Variants in EPM2A observed in about 807,000 individuals in gnomAD.
EPM2A encodes the protein EPM2A glucan phosphatase, laforin.
EPM2A carries 21 observed loss-of-function variants against 26.5 expected under a neutral mutation model. That is an observed-to-expected ratio of 0.79 (90% CI 0.56 to 1.14). EPM2A has a LOEUF of 1.14. EPM2A is among the 50% of genes most tolerant of loss of function. The probability of loss-of-function intolerance (pLI) is 0.00; values close to 1 mark genes in which losing one functional copy is unlikely to be tolerated. For synonymous variants in EPM2A, 217 were observed against 177.6 expected (o/e 1.22, Z -1.76); for missense variants, 458 against 440.8 (o/e 1.04, Z -0.35).
chr6:145,460,346 G>A (rs1582772482), intron 4 of EPM2A, among the ~76,000 whole-genome samples: 2 of 152,280 alleles, frequency 1.3e-5, no homozygotes, highest in East Asian at 3.9e-4. Flanking sequence ...CCAACAAACT[G>A]TATGATACTC....
At chr6:145,640,712 C>T (rs1405297806) in intron 2 of EPM2A, 2 of 152,064 alleles carry the variant, frequency 1.3e-5, no homozygotes, top group African/African-American at 4.8e-5. Flanking sequence ...AAAAGTCTAT[C>T]CGTCCTATAA....
chr6:145,458,221 C>A (rs974900950), intron 4 of EPM2A, among the ~76,000 whole-genome samples: 1 of 152,208 alleles, frequency 6.6e-6, no homozygotes, highest in African/African-American at 2.4e-5. Flanking sequence ...TTCCTCAGTG[C>A]CAATCCTTGC....
chr6:145,617,205 T>A (rs774976164), intron 2 of EPM2A, among the ~76,000 whole-genome samples: 2 of 152,180 alleles, frequency 1.3e-5, no homozygotes, highest in Non-Finnish European at 2.9e-5. Context: ...TCTCACAAGA[T>A]CTGATGATTT....
chr6:145,625,907 T>C lies in EPM2A; in HGVS notation c.*1509A>G, dbSNP rs550365380. 8.6e-5 allele frequency: 123 copies of C among 1,436,106 alleles called. No homozygotes were observed. Among genetic ancestry groups the C allele is most frequent in the South Asian group, 3.7e-4 (25 of 67,788 alleles). 89.0% of individuals were successfully genotyped at this position (1,436,106 alleles called of 1,614,324 possible). A position where few individuals can be genotyped will look rare whatever the true frequency, so the allele number is the denominator to read the frequency against. ...GGTGCAGAAAAATAAATACGCATCA[T>C]AGTTTAATTAGGAAAGTAAGGGCTT... On this transcript the variant is annotated 3_prime_UTR_variant, in exon 4 of 4. Transcript: ENST00000367519.
chr6:145,677,370 C>T (rs918507097), intron 2 of EPM2A, among the ~76,000 whole-genome samples: 3 of 152,128 alleles, frequency 2.0e-5, no homozygotes, highest in African/African-American at 7.2e-5. Flanking sequence ...TGAAAACCGG[C>T]ACAAGACAAG....
intron 4 of EPM2A, among the ~76,000 whole-genome samples, chr6:145,433,770 A>C (rs945846751): frequency 2.0e-5 from 3 of 152,126 alleles, no homozygotes; most frequent in African/African-American, 4.8e-5. Flanking sequence ...TAAATTCAAA[A>C]TTTTCAAAAA....
At chr6:145,713,641 G>A (rs1435882506) in intron 1 of EPM2A, among the ~76,000 whole-genome samples, 2 of 152,116 alleles carry the variant, frequency 1.3e-5, no homozygotes, top group Non-Finnish European at 2.9e-5. Flanking sequence ...GGAAAATAGT[G>A]CAGTCACCTT....
At chr6:145,667,507 A>T (rs1369642704) in intron 2 of EPM2A, among the ~76,000 whole-genome samples, 1 of 150,460 alleles carries the variant, frequency 6.6e-6, no homozygotes, top group East Asian at 2.0e-4. Flanking sequence ...TTAAAAAGTC[A>T]GGAAACAACA....
chr6:145,485,539 C>G (rs1779660664), intron 4 of EPM2A, among the ~76,000 whole-genome samples: 1 of 152,076 alleles, frequency 6.6e-6, no homozygotes, highest in African/African-American at 2.4e-5. Context: ...AGGAAGCAAA[C>G]AGGGTTGAAA....
intron 4 of EPM2A, chr6:145,491,792 GCTT>G (rs1176295269): frequency 2.1e-5 from 11 of 533,212 alleles, no homozygotes; most frequent in East Asian, 1.6e-4. Context: ...TACATCATTG[GCTT>G]CTTCTTCTCC....
Position 145,674,935 on chromosome 6 carries a change from C to T in EPM2A, c.476+11187G>A, listed in dbSNP as rs143638492. Among the ~76,000 whole-genome samples, 267 of 152,248 alleles carry T rather than the reference C, an allele frequency of 1.8e-3. 1 individual carries two copies. Among genetic ancestry groups the T allele is most frequent in the African/African-American group, 6.1e-3 (255 of 41,538 alleles). The stretch of plus-strand genomic sequence containing the variant: ...ATTCAAATTCAGGAAATACAGAGAA[C>T]ACCACGAAGATACTCCTCAAGAAGA... On this transcript the variant is annotated intron_variant, in intron 2 of 3. Coordinates refer to ENST00000367519, the MANE Select transcript of EPM2A (RefSeq NM_005670.4).
chr6:145,495,091 A>G (rs372378), intron 4 of EPM2A, among the ~76,000 whole-genome samples: 68,436 of 151,888 alleles, frequency 0.45, 15,449 homozygotes, highest in South Asian at 0.58. Flanking sequence ...GGATGGTAAA[A>G]TTTCCTCCTA....
intron 2 of EPM2A, chr6:145,636,211 G>A (rs1251332094): frequency 1.3e-5 from 2 of 152,200 alleles, no homozygotes; most frequent in Non-Finnish European, 2.9e-5. Context: ...CATAAAACAC[G>A]CTTATCTGGC....
chr6:145,566,456 G>A (rs915999335), intron 2 of EPM2A, among the ~76,000 whole-genome samples: 3 of 152,094 alleles, frequency 2.0e-5, no homozygotes, highest in Non-Finnish European at 4.4e-5. Flanking sequence ...CACAGTGTTC[G>A]GGTCTGAGTC....
intron 4 of EPM2A, among the ~76,000 whole-genome samples, chr6:145,453,903 T>G (rs986742427): frequency 1.3e-5 from 2 of 152,220 alleles, no homozygotes; most frequent in Non-Finnish European, 2.9e-5. Context: ...TTTCATGGTG[T>G]TGTTTTCTTT....
chr6:145,383,828 A>G (rs946223223), exon 5 of EPM2A: 1 of 152,196 alleles, frequency 6.6e-6, no homozygotes, highest in African/African-American at 2.4e-5. Context: ...ATATGAATAC[A>G]TTTCCTCTAC....
At chr6:145,672,694 G>A (rs892262289) in intron 2 of EPM2A, among the ~76,000 whole-genome samples, 1 of 152,172 alleles carries the variant, frequency 6.6e-6, no homozygotes, top group African/African-American at 2.4e-5. Flanking sequence ...GGGGAACCCC[G>A]GCACAAGGAA....
chr6:145,473,977 A>G (rs1263847773), intron 4 of EPM2A, among the ~76,000 whole-genome samples: 1 of 152,204 alleles, frequency 6.6e-6, no homozygotes, highest in Non-Finnish European at 1.5e-5. Context: ...CTGAAGGTAC[A>G]AAACTTAATG....
intron 2 of EPM2A, among the ~76,000 whole-genome samples, chr6:145,581,033 C>T (rs2114836127): frequency 6.6e-6 from 1 of 152,134 alleles, no homozygotes; most frequent in South Asian, 2.1e-4. Context: ...GGTATATATC[C>T]AATAATTGGA....
Sources: allele counts gnomAD v4.1 joint callset (sites outside exome capture counted in the v4.1 genomes callset), GRCh38; gene constraint gnomAD v4.1.1; transcripts MANE v1.5; gene names NCBI Gene and HGNC (gene_info 2026-07-23, HGNC 2026-07-21).